NXPE4: variants seen among roughly 807,000 people sequenced by gnomAD.
NXPE4 encodes the protein neurexophilin and PC-esterase domain family member 4.
Under a neutral mutation model 33.3 loss-of-function variants are expected in NXPE4, and 42 were observed. The observed-to-expected ratio is 1.26, with a 90% CI of 0.98 to 1.63. NXPE4 has a LOEUF of 1.63. NXPE4 is among the 40% of genes most tolerant of loss of function. The probability of loss-of-function intolerance (pLI) is 0.00; values close to 1 mark genes in which losing one functional copy is unlikely to be tolerated. For missense variants in NXPE4, 709 were observed against 647.6 expected, an observed-to-expected ratio of 1.09 and a Z score of -1.03; for synonymous variants, 253 against 234.9, an observed-to-expected ratio of 1.08 and a Z score of -0.71.
intron 5 of NXPE4, among the ~76,000 whole-genome samples, chr11:114,574,295 A>G (rs1948951604): frequency 6.6e-6 from 1 of 152,060 alleles, no homozygotes; most frequent in African/African-American, 2.4e-5. Context: ...GTCATAGCTC[A>G]TGGAACTGGA....
At position 114,570,869 on chromosome 11, in the gene NXPE4, T is replaced by A; in HGVS notation, c.*69A>T. On this transcript the variant is annotated 3_prime_UTR_variant, in exon 6 of 6. Transcript: ENST00000375478. ...TGGGAATTCAGAGCCAAACACAGCA[T>A]CTGGCCTGCTAGTAGACAGTCAATA... The A allele has an allele frequency of 9.1e-7, 1 of 1,102,420 alleles. No homozygotes were observed. The highest frequency in any genetic ancestry group is 1.3e-6 in the Non-Finnish European group (1 of 775,900). The allele number at this position is 1,102,420 out of a possible 1,614,324, so 68.3% of individuals were successfully genotyped here. A position where few individuals can be genotyped will look rare whatever the true frequency, so the allele number is the denominator to read the frequency against.
chr11:114,650,361 A>G, the NXPE4 span, among the ~76,000 whole-genome samples: 1 of 152,222 alleles, frequency 6.6e-6, no homozygotes, highest in Non-Finnish European at 1.5e-5. Flanking sequence ...GGATGTCACA[A>G]TCACCCATGA....
the NXPE4 span, among the ~76,000 whole-genome samples, chr11:114,634,404 T>G: frequency 6.6e-6 from 1 of 152,044 alleles, no homozygotes; most frequent in African/African-American, 2.4e-5. Flanking sequence ...TTTCTCCCAT[T>G]TTGTAGGTTG....
chr11:114,662,127 G>T, the NXPE4 span, among the ~76,000 whole-genome samples: 54 of 152,218 alleles, frequency 3.5e-4, no homozygotes, highest in African/African-American at 1.2e-3. Context: ...ACTGAAAGAG[G>T]CACTGAAGAA....
intron 2 of NXPE4, among the ~76,000 whole-genome samples, chr11:114,592,743 C>T (rs537308442): frequency 1.6e-4 from 24 of 152,148 alleles, no homozygotes; most frequent in Non-Finnish European, 2.4e-4. Flanking sequence ...GCAAAAAGAA[C>T]AAAGCTGAAG....
chr11:114,631,649 G>C, the NXPE4 span, among the ~76,000 whole-genome samples: 2 of 151,612 alleles, frequency 1.3e-5, no homozygotes, highest in Non-Finnish European at 2.9e-5. Context: ...ATTGTGCACA[G>C]GTACCCTAAA....
chr11:114,604,819 G>A, the NXPE4 span, among the ~76,000 whole-genome samples: 2 of 152,046 alleles, frequency 1.3e-5, no homozygotes, highest in Non-Finnish European at 2.9e-5. Flanking sequence ...CTGTTACCTG[G>A]TGGATAATAA....
At chr11:114,582,204 C>T (rs1484700966) in intron 3 of NXPE4, 84 bp downstream of exon 3, 4 of 1,419,398 alleles carry the variant, frequency 2.8e-6, no homozygotes, top group African/African-American at 2.9e-5. Flanking sequence ...AAAATTAATA[C>T]ACTCACAAGA....
upstream of NXPE4, among the ~76,000 whole-genome samples, chr11:114,596,188 G>C (rs552585758): frequency 1.3e-5 from 2 of 152,242 alleles, no homozygotes; most frequent in African/African-American, 4.8e-5. Flanking sequence ...TTGCTGAATT[G>C]AACTAAAAGA....
the NXPE4 span, among the ~76,000 whole-genome samples, chr11:114,622,809 A>T: frequency 6.6e-6 from 1 of 151,890 alleles, no homozygotes; most frequent in African/African-American, 2.4e-5. Context: ...GTATTGCCTC[A>T]TGGGTTACCA....
chr11:114,570,943 A>G lies in NXPE4; in HGVS notation c.1630T>C (p.Cys544Arg). 6.4e-7 allele frequency: 1 copy of G among 1,568,746 alleles called. No individual in the cohort carries two copies. Among genetic ancestry groups the G allele is most frequent in the Non-Finnish European group, 8.7e-7 (1 of 1,155,626 alleles). ...NQINILLNYI[C>R] ...ATTTCAGACTTTTGTGTTATTTAAC[A>G]AATATAGTTTAATAATATATTAATC... Residue 544 changes from cysteine (C) to arginine (R), a missense_variant, in exon 6 of 6, where the codon TGT (cysteine) becomes CGT (arginine). By Grantham distance (180) the Cys-to-Arg change is radical (BLOSUM62 -3). Coordinates refer to ENST00000375478, the MANE Select transcript of NXPE4 (RefSeq NM_001077639.2).
the NXPE4 span, among the ~76,000 whole-genome samples, chr11:114,628,775 C>A: frequency 1.3e-5 from 2 of 151,420 alleles, no homozygotes; most frequent in Middle Eastern, 3.4e-3. Context: ...AGAAAGCTAG[C>A]AAGACTAATA....
At chr11:114,621,149 A>G in the NXPE4 span, among the ~76,000 whole-genome samples, 1 of 152,096 alleles carries the variant, frequency 6.6e-6, no homozygotes, top group Non-Finnish European at 1.5e-5. Flanking sequence ...ATGGGTAAAC[A>G]CTGTTACCCA....
chr11:114,602,910 CAT>C, the NXPE4 span, among the ~76,000 whole-genome samples: 7 of 148,038 alleles, frequency 4.7e-5, no homozygotes, highest in East Asian at 5.9e-4. Flanking sequence ...ATTACAGAAT[CAT>C]ATATAATAAT....
the NXPE4 span, among the ~76,000 whole-genome samples, chr11:114,668,840 CA>C: frequency 6.6e-6 from 1 of 152,006 alleles, no homozygotes; most frequent in Admixed American, 6.6e-5. Flanking sequence ...TGGACAAAAT[CA>C]TCAAAAACAA....
At chr11:114,589,411 T>C (rs1949388913) in intron 2 of NXPE4, among the ~76,000 whole-genome samples, 1 of 152,128 alleles carries the variant, frequency 6.6e-6, no homozygotes, top group South Asian at 2.1e-4. Context: ...GGCCTCCCCT[T>C]TTCCCATAGC....
the NXPE4 span, among the ~76,000 whole-genome samples, chr11:114,669,916 T>C: frequency 8.2e-3 from 1,245 of 152,126 alleles, 18 homozygotes; most frequent in African/African-American, 0.028. Context: ...AAGGTCTGAT[T>C]GCAAAAATTC....
intron 5 of NXPE4, among the ~76,000 whole-genome samples, chr11:114,579,245 C>A (rs1332158218): frequency 6.6e-6 from 1 of 152,200 alleles, no homozygotes; most frequent in Non-Finnish European, 1.5e-5. Flanking sequence ...AGAGCGAGAA[C>A]TCACTCATTA....
At chr11:114,594,281 A>G (rs1949528214) in intron 2 of NXPE4, among the ~76,000 whole-genome samples, 2 of 152,206 alleles carry the variant, frequency 1.3e-5, no homozygotes, top group East Asian at 1.9e-4. Context: ...GTATCAAAAT[A>G]TCTCATCTAC....
Sources: allele counts gnomAD v4.1 joint callset (sites outside exome capture counted in the v4.1 genomes callset), GRCh38; gene constraint gnomAD v4.1.1; transcripts MANE v1.5; gene names NCBI Gene and HGNC (gene_info 2026-07-23, HGNC 2026-07-21).